The following MACROD2 variants were observed in gnomAD, a reference collection of about 807,000 sequenced individuals.
The protein encoded by MACROD2 is ADP-ribose glycohydrolase MACROD2.
MACROD2 carries 36 observed loss-of-function variants against 70.4 expected under a neutral mutation model. The observed-to-expected ratio is 0.51, with a 90% CI of 0.39 to 0.68. The LOEUF (loss-of-function observed/expected upper bound fraction) is 0.68, where lower values mean the gene tolerates loss of function less well. MACROD2 is among the 30% of genes least tolerant of loss of function. MACROD2 has a pLI of 0.00. For missense variants in MACROD2, 496 were observed against 538.4 expected (o/e 0.92, Z 0.78); for synonymous variants, 172 against 178.8 (o/e 0.96, Z 0.30).
intron 8 of MACROD2, among the ~76,000 whole-genome samples, chr20:15,692,927 C>T (rs2050316867): frequency 6.6e-6 from 1 of 152,122 alleles, no homozygotes; most frequent in Non-Finnish European, 1.5e-5. Flanking sequence ...ATGCTGTTCT[C>T]ATGATGGTGA....
intron 8 of MACROD2, among the ~76,000 whole-genome samples, chr20:15,822,749 A>T (rs887841744): frequency 6.6e-6 from 1 of 152,192 alleles, no homozygotes; most frequent in South Asian, 2.1e-4. Flanking sequence ...GGAATATTCA[A>T]TCTGGCCTTT....
chr20:16,015,956 T>C (rs2066923262), intron 15 of MACROD2, among the ~76,000 whole-genome samples: 1 of 152,070 alleles, frequency 6.6e-6, no homozygotes, highest in African/African-American at 2.4e-5. Flanking sequence ...GGTTTGGAGG[T>C]GTGAGGGTGT....
chr20:15,818,282 T>G (rs1297189039), intron 8 of MACROD2, among the ~76,000 whole-genome samples: 3 of 152,204 alleles, frequency 2.0e-5, no homozygotes, highest in Non-Finnish European at 4.4e-5. Flanking sequence ...CTGAGTATAC[T>G]TATAGTTCTT....
chr20:14,353,496 A>G (rs1458135106), intron 3 of MACROD2, among the ~76,000 whole-genome samples: 2 of 152,054 alleles, frequency 1.3e-5, no homozygotes, highest in African/African-American at 2.4e-5. Flanking sequence ...TTTTTTACCT[A>G]TACTAGATAT....
intron 5 of MACROD2, among the ~76,000 whole-genome samples, chr20:15,163,672 A>G (rs1210558604): frequency 6.6e-6 from 1 of 152,028 alleles, no homozygotes; most frequent in Admixed American, 6.6e-5. Flanking sequence ...CTGTTTGAGT[A>G]TGACCCTCAA....
chr20:15,995,649 C>CTTTT lies in MACROD2; in HGVS notation c.1153+8508_1153+8511dup, dbSNP rs71192310. On this transcript the variant is annotated intron_variant, in intron 15 of 17. Coordinates refer to ENST00000684519, the MANE Select transcript of MACROD2 (RefSeq NM_001351661.2). ...ACAGGCATGAGCCACTATGCCCGGC[C>CTTTT]TTTTTTTTTTTTTTTTTTTTAACTT... is the stretch of plus-strand genomic sequence containing the variant. 1.3e-3 allele frequency among the ~76,000 whole-genome samples: 114 copies of CTTTT among 85,490 alleles called. 2 individuals carry two copies. Among genetic ancestry groups the CTTTT allele is most frequent in the African/African-American group, 4.0e-3 (96 of 23,770 alleles). The allele number at this position is 85,490 out of a possible 152,430, so 56.1% of individuals were successfully genotyped here.
At chr20:14,190,753 G>A (rs1366942127) in intron 3 of MACROD2, among the ~76,000 whole-genome samples, 2 of 119,800 alleles carry the variant, frequency 1.7e-5, no homozygotes, top group Non-Finnish European at 3.2e-5. Context: ...TGTCACCCAG[G>A]CTGGAGTGCA....
At chr20:14,750,869 T>C (rs1486120357) in intron 5 of MACROD2, among the ~76,000 whole-genome samples, 1 of 152,110 alleles carries the variant, frequency 6.6e-6, no homozygotes, top group Non-Finnish European at 1.5e-5. Flanking sequence ...AAATAACTAA[T>C]CTGGTTGGTG....
At chr20:14,810,919 C>G (rs916234774) in intron 5 of MACROD2, among the ~76,000 whole-genome samples, 1 of 152,066 alleles carries the variant, frequency 6.6e-6, no homozygotes, top group Admixed American at 6.6e-5. Context: ...CTACAAACCA[C>G]TGCTCAAGGA....
intron 8 of MACROD2, among the ~76,000 whole-genome samples, chr20:15,555,625 T>C (rs2048155511): frequency 6.6e-6 from 1 of 151,538 alleles, no homozygotes; most frequent in African/African-American, 2.4e-5. Context: ...CTCATTTATC[T>C]AAAAAATGAC....
intron 9 of MACROD2, among the ~76,000 whole-genome samples, chr20:15,878,833 G>A (rs549138550): frequency 6.0e-4 from 91 of 152,230 alleles, no homozygotes; most frequent in African/African-American, 1.9e-3. Flanking sequence ...GGATTCTGAA[G>A]TATATAAAGC....
chr20:14,666,242 C>A (rs2070735279), intron 4 of MACROD2, among the ~76,000 whole-genome samples: 1 of 152,052 alleles, frequency 6.6e-6, no homozygotes, highest in Non-Finnish European at 1.5e-5. Flanking sequence ...AGGGTAAAAC[C>A]CCCAAATAAT....
At position 15,791,533 on chromosome 20, in the gene MACROD2, A is replaced by G. The variant is rs1311929071; in HGVS notation, c.646-71212A>G. Among the ~76,000 whole-genome samples, 4 of 152,118 alleles carry G rather than the reference A, an allele frequency of 2.6e-5. No homozygotes were observed. The East Asian group carries it at 5.8e-4, about 22-fold the overall frequency. On this transcript the variant is annotated intron_variant, in intron 8 of 17. Coordinates refer to ENST00000684519, the MANE Select transcript of MACROD2 (RefSeq NM_001351661.2). ...CTAACATTCATTTAGATGTGTAAGCATCATTTGGGGGGATGTATAATTTTT... is the reference window on the plus strand; with the variant it reads ...CTAACATTCATTTAGATGTGTAAGCGTCATTTGGGGGGATGTATAATTTTT...
At chr20:14,752,449 TA>T (rs1363284787) in intron 5 of MACROD2, among the ~76,000 whole-genome samples, 1 of 152,044 alleles carries the variant, frequency 6.6e-6, no homozygotes, top group African/African-American at 2.4e-5. Context: ...ATTGCCTAAA[TA>T]GTCCTGGAAT....
intron 8 of MACROD2, among the ~76,000 whole-genome samples, chr20:15,594,428 A>G (rs1415163609): frequency 6.6e-6 from 1 of 152,098 alleles, no homozygotes; most frequent in Non-Finnish European, 1.5e-5. Context: ...TATGTTCCTC[A>G]CAGACCTGTG....
intron 8 of MACROD2, among the ~76,000 whole-genome samples, chr20:15,710,620 T>C (rs767954573): frequency 7.2e-5 from 11 of 152,228 alleles, no homozygotes; most frequent in Non-Finnish European, 1.5e-4. Context: ...AAAAAGGCTT[T>C]CCATTAAAGG....
At chr20:14,001,217 C>G (rs983025146) in intron 1 of MACROD2, among the ~76,000 whole-genome samples, 3 of 152,094 alleles carry the variant, frequency 2.0e-5, no homozygotes, top group Non-Finnish European at 4.4e-5. Context: ...TGCTTCATTT[C>G]CCTATCTGCA....
At chr20:14,515,463 A>ACACACACACGCGCGCGCG (rs34190778) in intron 4 of MACROD2, among the ~76,000 whole-genome samples, 2,439 of 138,874 alleles carry the variant, frequency 0.018, 81 homozygotes, top group African/African-American at 0.066. Flanking sequence ...ATACACACAC[A>ACACACACACGCGCGCGCG]CGCACACACA....
At chr20:14,544,764 G>A (rs946594252) in intron 4 of MACROD2, among the ~76,000 whole-genome samples, 3 of 152,174 alleles carry the variant, frequency 2.0e-5, no homozygotes, top group Non-Finnish European at 2.9e-5. Context: ...GTGGCATTCT[G>A]AGAGTCAAGT....
Sources: allele counts gnomAD v4.1 joint callset (sites outside exome capture counted in the v4.1 genomes callset), GRCh38; gene constraint gnomAD v4.1.1; transcripts MANE v1.5; gene names NCBI Gene and HGNC (gene_info 2026-07-23, HGNC 2026-07-21).